PCDH11Y: variants seen among roughly 807,000 people sequenced by gnomAD.
PCDH11Y encodes the protein protocadherin 11 Y-linked.
For synonymous variants in PCDH11Y, 9 were observed against 83.6 expected (o/e 0.11, Z 4.87); for missense variants, 12 against 224.8 (o/e 0.05, Z 6.05).
At chrY:5,693,865 C>T in intron 4 of PCDH11Y, among the ~76,000 whole-genome samples, 1 of 32,869 alleles carries the variant, frequency 3.0e-5, no homozygotes, top group Non-Finnish European at 7.5e-5. Flanking sequence ...TTCCTCATAT[C>T]GAGTGCACAG....
chrY:5,656,772 G>A, intron 4 of PCDH11Y, among the ~76,000 whole-genome samples: 2 of 31,602 alleles, frequency 6.3e-5, no homozygotes, highest in East Asian at 8.2e-4. Context: ...ATTTAGATTA[G>A]CCAAAGCTGT....
intron 4 of PCDH11Y, among the ~76,000 whole-genome samples, chrY:5,676,905 G>T: frequency 3.3e-5 from 1 of 30,533 alleles, no homozygotes; most frequent in Admixed American, 3.1e-4. Context: ...CCTCCAAGCT[G>T]TTTCAATCTC....
chrY:5,456,057 C>G, intron 2 of PCDH11Y, among the ~76,000 whole-genome samples: 1 of 33,532 alleles, frequency 3.0e-5, no homozygotes, highest in African/African-American at 1.2e-4. Context: ...TTCACAAACA[C>G]AAATCCAACA....
At chrY:5,177,602 G>C in intron 2 of PCDH11Y, among the ~76,000 whole-genome samples, 2 of 32,791 alleles carry the variant, frequency 6.1e-5, no homozygotes, top group African/African-American at 1.2e-4. Flanking sequence ...AAATAGCCCA[G>C]GCACAGAAAG....
At chrY:5,372,263 TA>T (rs2053188151) in intron 2 of PCDH11Y, among the ~76,000 whole-genome samples, 1 of 33,041 alleles carries the variant, frequency 3.0e-5, no homozygotes, top group African/African-American at 1.2e-4. Context: ...TCAGATTTTT[TA>T]AAAAAACTTT....
At chrY:5,301,188 A>G in intron 2 of PCDH11Y, among the ~76,000 whole-genome samples, 1 of 34,099 alleles carries the variant, frequency 2.9e-5, no homozygotes, top group Non-Finnish European at 7.4e-5. Flanking sequence ...CCAAAATTCC[A>G]TAGCTTTTGT....
At chrY:5,666,941 C>CT (rs2053545228) in intron 4 of PCDH11Y, among the ~76,000 whole-genome samples, 5 of 27,899 alleles carry the variant, frequency 1.8e-4, no homozygotes, top group Non-Finnish European at 3.4e-4. Flanking sequence ...TTTTTCTTTT[C>CT]TTTTTTTTTT....
intron 2 of PCDH11Y, among the ~76,000 whole-genome samples, chrY:5,126,473 C>T (rs2052825713): frequency 3.2e-5 from 1 of 31,616 alleles, no homozygotes; most frequent in African/African-American, 1.2e-4. Flanking sequence ...TTAGTGGAAG[C>T]ATCCAACTAT....
chrY:5,699,456 T>C, intron 4 of PCDH11Y, among the ~76,000 whole-genome samples: 1 of 34,367 alleles, frequency 2.9e-5, no homozygotes, highest in Admixed American at 2.6e-4. Context: ...GCCCATCTCA[T>C]CAGGGGCTCT....
chrY:5,308,287 CCTT>C (rs2053092626), intron 2 of PCDH11Y, among the ~76,000 whole-genome samples: 3 of 32,888 alleles, frequency 9.1e-5, no homozygotes, highest in Non-Finnish European at 1.5e-4. Context: ...CTCAAGTTGT[CCTT>C]CTCAAGACCC....
At chrY:5,351,236 T>A (rs1602909372) in intron 2 of PCDH11Y, among the ~76,000 whole-genome samples, 1 of 32,192 alleles carries the variant, frequency 3.1e-5, no homozygotes, top group South Asian at 6.9e-4. Flanking sequence ...AAATAAATTT[T>A]AAAAAAATCT....
intron 2 of PCDH11Y, among the ~76,000 whole-genome samples, chrY:5,212,431 A>G (rs2052940256): frequency 3.2e-5 from 1 of 31,561 alleles, no homozygotes; most frequent in Non-Finnish European, 7.6e-5. Flanking sequence ...ACTATTGAAA[A>G]TTATTTAAAA....
intron 2 of PCDH11Y, among the ~76,000 whole-genome samples, chrY:5,315,877 A>G (rs2053106450): frequency 6.2e-5 from 2 of 32,135 alleles, no homozygotes; most frequent in African/African-American, 2.4e-4. Flanking sequence ...AACTGTTTGC[A>G]TATTCCATTT....
chrY:5,562,242 T>A, intron 3 of PCDH11Y, among the ~76,000 whole-genome samples: 2 of 33,688 alleles, frequency 5.9e-5, no homozygotes, highest in Admixed American at 2.7e-4. Context: ...AGCTACTAAA[T>A]TGATTCAGAA....
At chrY:5,299,464 A>G (rs2053079408) in intron 2 of PCDH11Y, among the ~76,000 whole-genome samples, 3 of 31,175 alleles carry the variant, frequency 9.6e-5, no homozygotes, top group African/African-American at 3.8e-4. Flanking sequence ...TCCTTTCTTA[A>G]TATTATTCCA....
At chrY:5,047,620 T>C (rs2124626368) in intron 3 of PCDH11Y, among the ~76,000 whole-genome samples, 1 of 33,816 alleles carries the variant, frequency 3.0e-5, no homozygotes, top group Admixed American at 2.7e-4. Context: ...GTATAAAGAA[T>C]ATTGCTAAAT....
At chrY:5,469,491 G>T in intron 2 of PCDH11Y, among the ~76,000 whole-genome samples, 1 of 32,753 alleles carries the variant, frequency 3.1e-5, no homozygotes, top group Non-Finnish European at 7.6e-5. Context: ...GCAGGATGGA[G>T]GAAGGAAGAA....
At chrY:5,178,809 G>T in intron 2 of PCDH11Y, among the ~76,000 whole-genome samples, 3 of 31,284 alleles carry the variant, frequency 9.6e-5, no homozygotes, top group African/African-American at 3.8e-4. Flanking sequence ...CCAGTATGTT[G>T]TTTTCCCCCA....
chrY:5,318,077 C>T, intron 2 of PCDH11Y, among the ~76,000 whole-genome samples: 1 of 32,724 alleles, frequency 3.1e-5, no homozygotes, highest in Non-Finnish European at 7.5e-5. Flanking sequence ...GATTATTTAA[C>T]GTATGGACAA....
Sources: allele counts gnomAD v4.1 joint callset (sites outside exome capture counted in the v4.1 genomes callset), GRCh38; gene constraint gnomAD v4.1.1; transcripts MANE v1.5; gene names NCBI Gene and HGNC (gene_info 2026-07-23, HGNC 2026-07-21).